Variants in RAD51B observed in about 807,000 individuals in gnomAD.
The protein encoded by RAD51B is DNA repair protein RAD51 homolog 2.
A neutral mutation model predicts 42.2 loss-of-function variants in RAD51B; 38 were observed. The observed-to-expected ratio is 0.90, with a 90% CI of 0.70 to 1.18. The LOEUF (loss-of-function observed/expected upper bound fraction) is 1.18. Among genes scored for constraint, RAD51B ranks in the 50% most tolerant of loss-of-function variants. The pLI, the probability that RAD51B is intolerant of heterozygous loss-of-function variation, is 0.00. For synonymous variants in RAD51B, 154 were observed against 145.2 expected, an observed-to-expected ratio of 1.06 and a Z score of -0.43; for missense variants, 373 against 400.7, an observed-to-expected ratio of 0.93 and a Z score of 0.59.
chr14:68,260,946 G>C (rs1278357442), intron 7 of RAD51B, among the ~76,000 whole-genome samples: 1 of 152,188 alleles, frequency 6.6e-6, no homozygotes, highest in African/African-American at 2.4e-5. Context: ...CACAACAATT[G>C]TTAATCTTCC....
intron 7 of RAD51B, among the ~76,000 whole-genome samples, chr14:68,105,204 C>T (rs1285813245): frequency 1.3e-5 from 2 of 150,884 alleles, no homozygotes; most frequent in East Asian, 3.9e-4. Context: ...AACAAAATTT[C>T]GGAGCTTCTC....
intron 8 of RAD51B, among the ~76,000 whole-genome samples, chr14:68,373,227 CTGAG>C (rs2083296243): frequency 6.6e-6 from 1 of 152,192 alleles, no homozygotes; most frequent in African/African-American, 2.4e-5. Context: ...ACTGATTACC[CTGAG>C]TATGTTGCAT....
At chr14:68,541,336 C>A (rs1292418977) in intron 10 of RAD51B, 1 of 985,346 alleles carries the variant, frequency 1.0e-6, no homozygotes, top group Non-Finnish European at 1.2e-6. Flanking sequence ...AGGCTAATAG[C>A]CTACCTGGCC....
At chr14:67,978,398 C>G (rs1160362437) in intron 7 of RAD51B, among the ~76,000 whole-genome samples, 2 of 146,088 alleles carry the variant, frequency 1.4e-5, no homozygotes, top group Non-Finnish European at 3.1e-5. Flanking sequence ...CAGTTAATCC[C>G]TCCAGCCTCT....
At chr14:68,126,724 A>G (rs2077768075) in intron 7 of RAD51B, among the ~76,000 whole-genome samples, 1 of 152,342 alleles carries the variant, frequency 6.6e-6, no homozygotes, top group East Asian at 1.9e-4. Flanking sequence ...GAAATTAGGT[A>G]CACTTTCTAA....
intron 10 of RAD51B, among the ~76,000 whole-genome samples, chr14:68,534,284 TGTTAAA>T (rs1298296104): frequency 6.6e-6 from 1 of 152,092 alleles, no homozygotes; most frequent in Non-Finnish European, 1.5e-5. Context: ...AGACCAAGGA[TGTTAAA>T]GTCACCAAGA....
At chr14:68,407,419 G>A (rs2084307630) in intron 8 of RAD51B, among the ~76,000 whole-genome samples, 1 of 152,138 alleles carries the variant, frequency 6.6e-6, no homozygotes, top group South Asian at 2.1e-4. Context: ...ATTATAGTAG[G>A]TTTATTTACC....
intron 7 of RAD51B, among the ~76,000 whole-genome samples, chr14:68,187,846 G>T (rs909449421): frequency 1.1e-4 from 17 of 151,954 alleles, no homozygotes; most frequent in Admixed American, 1.1e-3. Flanking sequence ...GTGAAGTCTT[G>T]CTCTGTCACC....
intron 8 of RAD51B, among the ~76,000 whole-genome samples, chr14:68,350,729 C>T (rs1403530726): frequency 6.6e-6 from 1 of 152,086 alleles, no homozygotes; most frequent in Non-Finnish European, 1.5e-5. Context: ...GGTGGTTGCC[C>T]CAGGATATCT....
intron 7 of RAD51B, among the ~76,000 whole-genome samples, chr14:67,940,023 C>CAGAT (rs1408534826): frequency 2.9e-5 from 1 of 34,324 alleles, no homozygotes; most frequent in African/African-American, 1.2e-4. Flanking sequence ...TTGATAGATG[C>CAGAT]ATATATATAT....
At chr14:68,043,533 A>G (rs1363529822) in intron 7 of RAD51B, among the ~76,000 whole-genome samples, 1 of 152,222 alleles carries the variant, frequency 6.6e-6, no homozygotes, top group Non-Finnish European at 1.5e-5. Flanking sequence ...TCAAGCCCCA[A>G]TTATTTTCAG....
chr14:68,381,839 T>G (rs1171684231), intron 8 of RAD51B, among the ~76,000 whole-genome samples: 2 of 152,178 alleles, frequency 1.3e-5, no homozygotes, highest in East Asian at 3.8e-4. Flanking sequence ...GTTGCTCTTA[T>G]TTAGGAGGAA....
chr14:67,986,011 TTG>T (rs10568389), intron 7 of RAD51B, among the ~76,000 whole-genome samples: 36,662 of 150,608 alleles, frequency 0.24, 5,200 homozygotes, highest in Middle Eastern at 0.4. Flanking sequence ...GTACCTTGAT[TTG>T]TGTGTGTGTG....
chr14:68,522,564 G>A (rs1886655194), intron 10 of RAD51B, among the ~76,000 whole-genome samples: 1 of 152,136 alleles, frequency 6.6e-6, no homozygotes, highest in African/African-American at 2.4e-5. Context: ...ACAACCCAGA[G>A]CCATCTGATT....
intron 7 of RAD51B, among the ~76,000 whole-genome samples, chr14:67,952,342 CTA>C (rs1444177912): frequency 6.6e-6 from 1 of 151,984 alleles, no homozygotes; most frequent in African/African-American, 2.4e-5. Context: ...GTAATAAAAT[CTA>C]TGTGTGGAAG....
At chr14:68,677,144 A>G (rs1420566596) in intron 11 of RAD51B, among the ~76,000 whole-genome samples, 2 of 152,142 alleles carry the variant, frequency 1.3e-5, no homozygotes, top group Non-Finnish European at 2.9e-5. Flanking sequence ...TTCCAGGTCT[A>G]TCTTCCCATA....
At position 67,931,500 on chromosome 14, in the gene RAD51B, CTTTTTTTT is replaced by C. The variant is rs539507230; in HGVS notation, c.756+44308_756+44315del. Among the ~76,000 whole-genome samples the C allele has an allele frequency of 4.0e-3, 467 of 117,568 alleles. 4 individuals are homozygous for C. The highest frequency in any genetic ancestry group is 0.014 in the African/African-American group (449 of 31,052). 77.1% of individuals were successfully genotyped at this position (117,568 alleles called of 152,430 possible). A position where few individuals can be genotyped will look rare whatever the true frequency, so the allele number is the denominator to read the frequency against. On this transcript the variant is annotated intron_variant, in intron 7 of 10. Transcript: ENST00000471583. ...ATTTTGAATTCTTTTTCTGGGATTT[CTTTTTTTT>C]TTTTTTTTTTTGAGACAGAGTTTTG...
chr14:68,286,764 G>A (rs971227643), intron 7 of RAD51B, among the ~76,000 whole-genome samples: 24 of 152,180 alleles, frequency 1.6e-4, no homozygotes, highest in African/African-American at 5.8e-4. Context: ...CAGAGGGTAG[G>A]TGTAGCCTGG....
chr14:68,621,261 T>C (rs1342033977), intron 10 of RAD51B, among the ~76,000 whole-genome samples: 5 of 152,230 alleles, frequency 3.3e-5, no homozygotes, highest in Non-Finnish European at 7.3e-5. Context: ...AGAACCTCTA[T>C]ATTTTTCATC....
Sources: allele counts gnomAD v4.1 joint callset (sites outside exome capture counted in the v4.1 genomes callset), GRCh38; gene constraint gnomAD v4.1.1; transcripts MANE v1.5; gene names NCBI Gene and HGNC (gene_info 2026-07-23, HGNC 2026-07-21).